UHMK1: variants seen among roughly 807,000 people sequenced by gnomAD.
UHMK1 encodes serine/threonine-protein kinase Kist.
UHMK1 carries 18 observed loss-of-function variants against 44.0 expected under a neutral mutation model. The observed-to-expected ratio is 0.41, with a 90% CI of 0.28 to 0.61. The LOEUF is 0.61. UHMK1 is among the 20% of genes least tolerant of loss of function. The pLI is 0.31. For missense variants in UHMK1, 463 were observed against 522.5 expected, an observed-to-expected ratio of 0.89 and a Z score of 1.11; for synonymous variants, 231 against 198.5, an observed-to-expected ratio of 1.16 and a Z score of -1.38.
At chr1:162,497,617 A>AT (rs955824123), upstream of UHMK1, among the ~76,000 whole-genome samples, 1 of 152,082 alleles carries the variant, frequency 6.6e-6, no homozygotes, top group Admixed American at 6.6e-5. Flanking sequence ...CAACAAGAAA[A>AT]AGGACCAGTT....
chr1:162,515,461 G>A (rs969981833), intron 6 of UHMK1, among the ~76,000 whole-genome samples: 4 of 152,124 alleles, frequency 2.6e-5, no homozygotes, highest in African/African-American at 9.7e-5. Context: ...CTAATTATAT[G>A]ACAGTACCTC....
intron 3 of UHMK1, among the ~76,000 whole-genome samples, chr1:162,502,089 T>A (rs1452837818): frequency 6.6e-6 from 1 of 152,112 alleles, no homozygotes; most frequent in East Asian, 1.9e-4. Context: ...GGCAGGAGGA[T>A]CACTTAAACA....
At chr1:162,519,012 A>G (rs1651946808) in intron 7 of UHMK1, among the ~76,000 whole-genome samples, 1 of 149,082 alleles carries the variant, frequency 6.7e-6, no homozygotes, top group African/African-American at 2.5e-5. Context: ...ACTACTTTTG[A>G]GCCACTGTAA....
intron 6 of UHMK1, among the ~76,000 whole-genome samples, chr1:162,517,781 A>G (rs1433147836): frequency 6.6e-6 from 1 of 151,946 alleles, no homozygotes; most frequent in Non-Finnish European, 1.5e-5. Context: ...GCTACTCGGG[A>G]GGCTGAGGGA....
rs548617627 is a variant in UHMK1, at chr1:162,507,581, C to CTTTTT, written c.848+3740_848+3744dup. Among the ~76,000 whole-genome samples, 559 of 133,014 alleles carry CTTTTT rather than the reference C, an allele frequency of 4.2e-3. 3 individuals are homozygous for CTTTTT. The highest frequency in any genetic ancestry group is 5.7e-3 in the Non-Finnish European group (360 of 62,896). 87.3% of individuals were successfully genotyped at this position (133,014 alleles called of 152,430 possible). On this transcript the variant is annotated intron_variant, in intron 4 of 7. Transcript: ENST00000489294. ...AGCCACCACCCCCAACCCATTCTTTCTTTTTTTTTTTCTTTTTTTTTGTGA... is the reference window on the plus strand; with the variant it reads ...AGCCACCACCCCCAACCCATTCTTTCTTTTTTTTTTTTTTTTCTTTTTTTTTGTGA...
intron 7 of UHMK1, among the ~76,000 whole-genome samples, chr1:162,518,988 CA>C (rs35054031): frequency 0.18 from 19,111 of 104,914 alleles, 2,350 homozygotes; most frequent in African/African-American, 0.38. Context: ...GACTCCATCT[CA>C]AAAAAAAAAA....
intron 3 of UHMK1, among the ~76,000 whole-genome samples, chr1:162,501,385 G>T (rs575619322): frequency 2.6e-5 from 4 of 152,140 alleles, no homozygotes; most frequent in Non-Finnish European, 5.9e-5. Context: ...GGCCAGGCTG[G>T]TCTCAAACTC....
chr1:162,520,394 T>C (rs540190298), intron 7 of UHMK1, among the ~76,000 whole-genome samples: 1 of 152,344 alleles, frequency 6.6e-6, no homozygotes, highest in East Asian at 1.9e-4. Flanking sequence ...TTAACTGATA[T>C]TTATTGAGCA....
chr1:162,519,216 G>T (rs1651955854), intron 7 of UHMK1, among the ~76,000 whole-genome samples: 1 of 151,662 alleles, frequency 6.6e-6, no homozygotes, highest in South Asian at 2.1e-4. Context: ...TCTTCAGGGG[G>T]CTGAGCAGGA....
rs1014948069 is a variant in UHMK1, at chr1:162,522,698, T to C, written c.*148T>C. 3 of 892,472 alleles carry C rather than the reference T, an allele frequency of 3.4e-6. No individual in the cohort carries two copies. The highest frequency in any genetic ancestry group is 3.4e-5 in the African/African-American group (2 of 59,026). The allele number at this position is 892,472 out of a possible 1,614,324, so 55.3% of individuals were successfully genotyped here. On this transcript the variant is annotated 3_prime_UTR_variant, in exon 8 of 8. Transcript: ENST00000489294. ...TAATGTGCAGCCATTGCCCAAGCAGTGACTGCGTTGCATACATTTGGCACT... is the reference window on the plus strand; with the variant it reads ...TAATGTGCAGCCATTGCCCAAGCAGCGACTGCGTTGCATACATTTGGCACT...
In UHMK1 at chr1:162,512,722, C is replaced by T. The variant is rs774784325; in HGVS notation, c.926-3C>T. The T allele has an allele frequency of 1.2e-6, 2 of 1,613,618 alleles. No individual in the cohort carries two copies. Among genetic ancestry groups the T allele is most frequent in the Admixed American group, 1.7e-5 (1 of 59,950 alleles). On this transcript the variant is annotated splice_polypyrimidine_tract_variant and splice_region_variant and intron_variant, in intron 5 of 7. Coordinates refer to ENST00000489294, the MANE Select transcript of UHMK1 (RefSeq NM_175866.5). ...TTAACCATATTATGATGAATTTTAA[C>T]AGCCCCTCATATTGAAGATCTGGTC...
At position 162,497,901 on chromosome 1, in the gene UHMK1, C is replaced by G; in HGVS notation, c.-100C>G. ...TGAGGCGGCTGCAGGTCCCTCCCTG[C>G]GGAGCCGCTGGTCCGGCTGGCGGAG... is the stretch of plus-strand genomic sequence containing the variant. On this transcript the variant is annotated 5_prime_UTR_variant, in exon 1 of 8. Transcript: ENST00000489294. The G allele has an allele frequency of 7.0e-7, 1 of 1,425,664 alleles. No individual in the cohort carries two copies. The highest frequency in any genetic ancestry group is 9.1e-7 in the Non-Finnish European group (1 of 1,095,104). 88.3% of individuals were successfully genotyped at this position (1,425,664 alleles called of 1,614,324 possible).
chr1:162,515,307 G>A (rs549444804), intron 6 of UHMK1, among the ~76,000 whole-genome samples: 1 of 152,192 alleles, frequency 6.6e-6, no homozygotes, highest in South Asian at 2.1e-4. Context: ...GTAAACTTAG[G>A]TTTATTCACA....
At chr1:162,511,742 A>T (rs1321422863) in intron 4 of UHMK1, among the ~76,000 whole-genome samples, 1 of 152,074 alleles carries the variant, frequency 6.6e-6, no homozygotes, top group Non-Finnish European at 1.5e-5. Context: ...TAAATTGTTA[A>T]TCCATTTTGA....
At chr1:162,503,993 G>GAGCATTCCTTT in intron 4 of UHMK1, 145 bp downstream of exon 4, 1 of 657,114 alleles carries the variant, frequency 1.5e-6, no homozygotes, top group Non-Finnish European at 2.5e-6. Flanking sequence ...TGTTTTCAAA[G>GAGCATTCCTTT]GAATGCTCTT....
At chr1:162,508,066 G>A (rs796608927) in intron 4 of UHMK1, among the ~76,000 whole-genome samples, 5 of 151,318 alleles carry the variant, frequency 3.3e-5, no homozygotes, top group African/African-American at 1.2e-4. Context: ...TTTTTCTGTT[G>A]CTCTTTCACA....
upstream of UHMK1, chr1:162,497,763 TG>T: frequency 8.0e-7 from 1 of 1,256,256 alleles, no homozygotes; most frequent in African/African-American, 1.6e-5. Flanking sequence ...CCGCCCCTTC[TG>T]AGCCCCCCCT....
At position 162,528,780 on chromosome 1, in the gene UHMK1, T is replaced by C. The variant is rs1261648756; in HGVS notation, c.*6230T>C. 1.3e-5 allele frequency: 2 copies of C among 152,158 alleles called. No individual in the cohort carries two copies. Among genetic ancestry groups the C allele is most frequent in the East Asian group, 3.8e-4 (2 of 5,202 alleles). 9.4% of individuals were successfully genotyped at this position (152,158 alleles called of 1,614,324 possible). ...CCATTCTTAATTCTTTTTTGAAATA[T>C]CTTAAATAATTTAACATTCCTTTAT... On this transcript the variant is annotated 3_prime_UTR_variant, in exon 8 of 8. Transcript: ENST00000489294.
In UHMK1 at chr1:162,525,531, G is replaced by T. The variant is rs1217882314; in HGVS notation, c.*2981G>T. On this transcript the variant is annotated 3_prime_UTR_variant, in exon 8 of 8. Transcript: ENST00000489294. ...TTGATTCTTTTGAAATATATTTGGA[G>T]GGGGTAGCTAGCTAGCCACTGTCAA... is the stretch of plus-strand genomic sequence containing the variant. The T allele has an allele frequency of 6.6e-6, 1 of 152,180 alleles. No individual in the cohort carries two copies. The highest frequency in any genetic ancestry group is 1.5e-5 in the Non-Finnish European group (1 of 68,040). 9.4% of individuals were successfully genotyped at this position (152,180 alleles called of 1,614,324 possible).
Sources: allele counts gnomAD v4.1 joint callset (sites outside exome capture counted in the v4.1 genomes callset), GRCh38; gene constraint gnomAD v4.1.1; transcripts MANE v1.5; gene names NCBI Gene and HGNC (gene_info 2026-07-23, HGNC 2026-07-21).